The following REEP3 variants were observed in gnomAD, a reference collection of about 807,000 sequenced individuals.
The protein encoded by REEP3 is receptor accessory protein 3, also known as receptor expression-enhancing protein 3.
In REEP3, 20 loss-of-function variants were observed where a neutral mutation model predicts 41.3. The observed-to-expected ratio is 0.48, with a 90% CI of 0.34 to 0.70. The LOEUF (loss-of-function observed/expected upper bound fraction) is 0.70. Among genes scored for constraint, REEP3 ranks in the 30% least tolerant of loss-of-function variants. The pLI is 0.01. For missense variants in REEP3, 271 were observed against 308.8 expected (o/e 0.88, Z 0.92); for synonymous variants, 104 against 101.8 (o/e 1.02, Z -0.13).
At chr10:63,550,107 G>A (rs12761962) in intron 1 of REEP3, among the ~76,000 whole-genome samples, 30,971 of 152,166 alleles carry the variant, frequency 0.2, 4,073 homozygotes, top group Non-Finnish European at 0.29. Flanking sequence ...ATGAGATGGC[G>A]TGAGCCCAAA....
chr10:63,609,350 G>C (rs950051417), intron 5 of REEP3, among the ~76,000 whole-genome samples: 1 of 151,834 alleles, frequency 6.6e-6, no homozygotes, highest in Non-Finnish European at 1.5e-5. Flanking sequence ...TACTGGAGGG[G>C]CTGAGGCAGG....
At chr10:63,545,688 T>TTG (rs1053894951) in intron 1 of REEP3, among the ~76,000 whole-genome samples, 5 of 139,576 alleles carry the variant, frequency 3.6e-5, no homozygotes, top group East Asian at 2.1e-4. Context: ...CTGTTTTTTT[T>TTG]TTTTTTTTTT....
At chr10:63,612,472 G>A (rs1956283597) in intron 6 of REEP3, among the ~76,000 whole-genome samples, 1 of 152,062 alleles carries the variant, frequency 6.6e-6, no homozygotes. Flanking sequence ...CACACTGCCT[G>A]GCCTTGGCAT....
At chr10:63,573,745 G>A (rs999054752) in intron 2 of REEP3, among the ~76,000 whole-genome samples, 1 of 152,162 alleles carries the variant, frequency 6.6e-6, no homozygotes, top group Non-Finnish European at 1.5e-5. Flanking sequence ...GCTAACTTTA[G>A]AGTGGAAATA....
At chr10:63,541,219 T>C (rs1955525601) in intron 1 of REEP3, among the ~76,000 whole-genome samples, 1 of 152,236 alleles carries the variant, frequency 6.6e-6, no homozygotes, top group African/African-American at 2.4e-5. Context: ...CAATTTTTCA[T>C]ATCAACCATG....
At chr10:63,580,616 T>C (rs1033357239) in intron 2 of REEP3, among the ~76,000 whole-genome samples, 5 of 151,788 alleles carry the variant, frequency 3.3e-5, no homozygotes, top group Non-Finnish European at 7.4e-5. Flanking sequence ...ATAACTAAGG[T>C]ATAGGGTAAG....
In REEP3 at chr10:63,621,665, A is replaced by G. The variant is rs969995192; in HGVS notation, c.*796A>G. 6.6e-6 allele frequency: 1 copy of G among 152,648 alleles called. No individual in the cohort carries two copies. The highest frequency in any genetic ancestry group is 2.4e-5 in the African/African-American group (1 of 41,452). 9.5% of individuals were successfully genotyped at this position (152,648 alleles called of 1,614,324 possible). A position where few individuals can be genotyped will look rare whatever the true frequency, so the allele number is the denominator to read the frequency against. On this transcript the variant is annotated 3_prime_UTR_variant, in exon 8 of 8. Coordinates refer to ENST00000373758, the MANE Select transcript of REEP3 (RefSeq NM_001001330.3). ...CTATTTTTAATTATCTTCTTAACAAATAAGAAGTTGCTTTAAACATTAACC... is the reference window on the plus strand; with the variant it reads ...CTATTTTTAATTATCTTCTTAACAAGTAAGAAGTTGCTTTAAACATTAACC...
chr10:63,536,432 T>G (rs1396867692), intron 1 of REEP3, among the ~76,000 whole-genome samples: 1 of 152,190 alleles, frequency 6.6e-6, no homozygotes, highest in Admixed American at 6.5e-5. Flanking sequence ...GTGAAAAGTA[T>G]CTAAATTATT....
At chr10:63,571,397 T>G (rs1038483262) in intron 2 of REEP3, among the ~76,000 whole-genome samples, 1 of 152,154 alleles carries the variant, frequency 6.6e-6, no homozygotes, top group African/African-American at 2.4e-5. Context: ...AAAGTCTGTT[T>G]CCCTGTCTAC....
intron 1 of REEP3, among the ~76,000 whole-genome samples, chr10:63,547,199 C>T (rs551359425): frequency 2.0e-5 from 3 of 152,244 alleles, no homozygotes; most frequent in African/African-American, 7.2e-5. Context: ...GGATTACAGG[C>T]GTGAGCCACC....
At chr10:63,572,093 G>A (rs1955857886) in intron 2 of REEP3, among the ~76,000 whole-genome samples, 1 of 152,098 alleles carries the variant, frequency 6.6e-6, no homozygotes, top group African/African-American at 2.4e-5. Context: ...CACCAGCATT[G>A]AAATCACATG....
At chr10:63,573,357 T>C (rs1955870560) in intron 2 of REEP3, among the ~76,000 whole-genome samples, 1 of 152,236 alleles carries the variant, frequency 6.6e-6, no homozygotes, top group Non-Finnish European at 1.5e-5. Flanking sequence ...TGCAAATTTT[T>C]TCAGGCTCAT....
chr10:63,529,232 T>G (rs1028700875), intron 1 of REEP3, among the ~76,000 whole-genome samples: 1 of 152,148 alleles, frequency 6.6e-6, no homozygotes, highest in Non-Finnish European at 1.5e-5. Context: ...TTGAATAAAG[T>G]TTTTTTCACT....
chr10:63,555,647 A>G (rs766316244), intron 1 of REEP3, among the ~76,000 whole-genome samples: 22 of 152,344 alleles, frequency 1.4e-4, no homozygotes, highest in Middle Eastern at 3.4e-3. Flanking sequence ...GAGCGTGGCA[A>G]AAGTCCAGAT....
chr10:63,623,243 C>T lies in REEP3; in HGVS notation c.*2374C>T, dbSNP rs1454745325. 1 of 152,188 alleles carries T rather than the reference C, an allele frequency of 6.6e-6. No homozygotes were observed. Among genetic ancestry groups the T allele is most frequent in the Non-Finnish European group, 1.5e-5 (1 of 68,030 alleles). 9.4% of individuals were successfully genotyped at this position (152,188 alleles called of 1,614,324 possible). On this transcript the variant is annotated 3_prime_UTR_variant, in exon 8 of 8. Transcript: ENST00000373758. The stretch of plus-strand genomic sequence containing the variant: ...TATACACTGTTGATATCATTTTACT[C>T]TTCTTTCTCTTCTACATTTCTTAAA...
At chr10:63,583,152 C>T (rs1955970765) in intron 2 of REEP3, among the ~76,000 whole-genome samples, 3 of 151,932 alleles carry the variant, frequency 2.0e-5, no homozygotes, top group Admixed American at 2.0e-4. Flanking sequence ...CCACCACACC[C>T]AGCTAATTTT....
At position 63,555,077 on chromosome 10, in the gene REEP3, G is replaced by A. The variant is rs188340262; in HGVS notation, c.33-11261G>A. On this transcript the variant is annotated intron_variant, in intron 1 of 7. Transcript: ENST00000373758. ...TAGGCTCTGGAGTAAAATTAGAAATGTAGCTCCAATTTAGCTAAGTTTAGC... is the reference window on the plus strand; with the variant it reads ...TAGGCTCTGGAGTAAAATTAGAAATATAGCTCCAATTTAGCTAAGTTTAGC... Among the ~76,000 whole-genome samples, 65 of 152,250 alleles carry A rather than the reference G, an allele frequency of 4.3e-4. No individual in the cohort carries two copies. The South Asian group carries it at 9.5e-3, about 22-fold the overall frequency.
At chr10:63,582,510 A>G (rs1486792878) in intron 2 of REEP3, among the ~76,000 whole-genome samples, 1 of 152,036 alleles carries the variant, frequency 6.6e-6, no homozygotes, top group East Asian at 1.9e-4. Context: ...AAAAACATAT[A>G]TGTTGATGTA....
intron 5 of REEP3, among the ~76,000 whole-genome samples, chr10:63,609,194 T>G (rs1956256453): frequency 6.6e-6 from 1 of 152,066 alleles, no homozygotes; most frequent in African/African-American, 2.4e-5. Context: ...GGCTCACGTC[T>G]GTAATCCCAG....
Sources: gnomAD v4.1 joint callset for allele counts (sites outside exome capture counted in the v4.1 genomes callset) on GRCh38, gnomAD v4.1.1 for gene constraint, MANE v1.5 for transcripts, NCBI Gene and HGNC (gene_info 2026-07-23, HGNC 2026-07-21) for gene names.